Variants in SYT16 observed in about 807,000 individuals in gnomAD.
The protein encoded by SYT16 is synaptotagmin-16.
SYT16 carries 42 observed loss-of-function variants against 61.4 expected under a neutral mutation model. The ratio of observed to expected loss-of-function variants is 0.68; its 90% CI spans 0.53 to 0.89. The LOEUF (loss-of-function observed/expected upper bound fraction) is 0.89, where lower values mean the gene tolerates loss of function less well. Ranked by LOEUF, SYT16 falls within the 40% of genes least tolerant of loss-of-function variation. The pLI, the probability that SYT16 is intolerant of heterozygous loss-of-function variation, is 0.00. For synonymous variants in SYT16, 314 were observed against 302.3 expected (o/e 1.04, Z -0.40); for missense variants, 804 against 807.3 (o/e 1.00, Z 0.05).
rs182729922 is a variant in SYT16 at position 62,053,570 on chromosome 14, C to A, written c.524-16033C>A. Among the ~76,000 whole-genome samples the A allele has an allele frequency of 7.8e-4, 119 of 152,288 alleles. 1 individual carries two copies. The highest frequency in any genetic ancestry group is 8.5e-4 in the Non-Finnish European group (58 of 68,026). On this transcript the variant is annotated intron_variant, in intron 3 of 7. Transcript: ENST00000683842. ...TCTATTTCTCTGCAGAACCCTAATA[C>A]AGTATTGTACTAATTTTTAAATTCC...
At chr14:61,973,466 T>G (rs1595056462) in intron 2 of SYT16, among the ~76,000 whole-genome samples, 1 of 152,318 alleles carries the variant, frequency 6.6e-6, no homozygotes, top group African/African-American at 2.4e-5. Context: ...TGTTCTTGTG[T>G]TGCTCATTGA....
intron 4 of SYT16, among the ~76,000 whole-genome samples, chr14:62,070,661 T>C (rs1372374435): frequency 6.6e-6 from 1 of 152,174 alleles, no homozygotes; most frequent in East Asian, 1.9e-4. Flanking sequence ...TCTATCTGAC[T>C]CCTTCATGCC....
chr14:62,036,815 G>A (rs2054527942), intron 3 of SYT16, among the ~76,000 whole-genome samples: 1 of 152,120 alleles, frequency 6.6e-6, no homozygotes, highest in African/African-American at 2.4e-5. Context: ...TGGGGATTAT[G>A]GGAGCTACAA....
chr14:62,007,511 G>T (rs1210005136), intron 3 of SYT16, among the ~76,000 whole-genome samples: 1 of 152,158 alleles, frequency 6.6e-6, no homozygotes, highest in African/African-American at 2.4e-5. Flanking sequence ...TAATGAACAT[G>T]TTAGCAGCTG....
intron 1 of SYT16, among the ~76,000 whole-genome samples, chr14:61,943,367 C>G (rs924668113): frequency 1.3e-5 from 2 of 152,216 alleles, no homozygotes; most frequent in Non-Finnish European, 2.9e-5. Flanking sequence ...AAGGACTCCT[C>G]TCTAACTCAT....
intron 1 of SYT16, among the ~76,000 whole-genome samples, chr14:61,815,422 C>T (rs2045397957): frequency 6.6e-6 from 1 of 152,150 alleles, no homozygotes; most frequent in South Asian, 2.1e-4. Context: ...CAAAATTTCC[C>T]CTTGAGGGAA....
At chr14:61,904,823 A>G (rs930051267) in intron 1 of SYT16, among the ~76,000 whole-genome samples, 2 of 152,154 alleles carry the variant, frequency 1.3e-5, no homozygotes, top group Admixed American at 6.5e-5. Flanking sequence ...TTTCTTCCCT[A>G]TATCTCATTA....
intron 3 of SYT16, among the ~76,000 whole-genome samples, chr14:62,062,569 A>G (rs1291044061): frequency 6.6e-6 from 1 of 152,152 alleles, no homozygotes. Context: ...GTAATTTATA[A>G]AACTCTTTTC....
chr14:62,048,907 A>G (rs537593018), intron 3 of SYT16, among the ~76,000 whole-genome samples: 22 of 152,258 alleles, frequency 1.4e-4, no homozygotes, highest in Admixed American at 9.2e-4. Context: ...TATGTGGCCA[A>G]TTTTGGAATA....
chr14:61,998,810 T>A (rs774769037), intron 3 of SYT16, among the ~76,000 whole-genome samples: 1 of 151,910 alleles, frequency 6.6e-6, no homozygotes, highest in Non-Finnish European at 1.5e-5. Context: ...CTGTAGATGC[T>A]CTTTATTATG....
intron 3 of SYT16, among the ~76,000 whole-genome samples, chr14:61,998,517 G>C (rs2052862403): frequency 6.6e-6 from 1 of 151,916 alleles, no homozygotes; most frequent in African/African-American, 2.4e-5. Flanking sequence ...GGTGTTGTGT[G>C]TTTCAGTAGT....
At chr14:62,030,899 C>G (rs2054287630) in intron 3 of SYT16, among the ~76,000 whole-genome samples, 1 of 152,164 alleles carries the variant, frequency 6.6e-6, no homozygotes, top group Admixed American at 6.5e-5. Flanking sequence ...CATTTGATTT[C>G]AGGTTGAATA....
At position 61,990,966 on chromosome 14, in the gene SYT16, T is replaced by C. The variant is rs1488150873; in HGVS notation, c.-144-4910T>C. Among the ~76,000 whole-genome samples the C allele has an allele frequency of 3.9e-5, 6 of 152,206 alleles. 1 individual carries two copies. Among genetic ancestry groups the C allele is most frequent in the Admixed American group, 3.9e-4 (6 of 15,274 alleles). On this transcript the variant is annotated intron_variant, in intron 2 of 7. Coordinates refer to ENST00000683842, the MANE Select transcript of SYT16 (RefSeq NM_001367656.1). ...TTTCCTATGTACAAAATGATCTTAA[T>C]TAAAATAGAATTCCAATTAAACCAA...
intron 4 of SYT16, among the ~76,000 whole-genome samples, chr14:62,071,724 T>C (rs1247137927): frequency 6.6e-6 from 1 of 152,230 alleles, no homozygotes; most frequent in East Asian, 1.9e-4. Flanking sequence ...GCCTATTCTC[T>C]ATTTAGCTGT....
intron 3 of SYT16, among the ~76,000 whole-genome samples, chr14:62,054,368 T>C (rs1376769011): frequency 6.6e-6 from 1 of 150,512 alleles, no homozygotes; most frequent in Admixed American, 6.6e-5. Flanking sequence ...GAGTTTTTTT[T>C]TTTTTTTTTG....
At chr14:61,869,727 A>T (rs2047270398) in intron 1 of SYT16, among the ~76,000 whole-genome samples, 1 of 152,166 alleles carries the variant, frequency 6.6e-6, no homozygotes, top group Non-Finnish European at 1.5e-5. Flanking sequence ...TCCCTCATGA[A>T]TGAGATTAGG....
intron 3 of SYT16, among the ~76,000 whole-genome samples, chr14:62,059,777 TACAC>T (rs34498170): frequency 0.2 from 29,518 of 146,752 alleles, 6,793 homozygotes; most frequent in African/African-American, 0.57. Flanking sequence ...TGTATACACA[TACAC>T]ACACACACAC....
chr14:62,014,655 A>G (rs2053593890), intron 3 of SYT16, among the ~76,000 whole-genome samples: 1 of 151,958 alleles, frequency 6.6e-6, no homozygotes, highest in South Asian at 2.1e-4. Flanking sequence ...GCTGGACTCA[A>G]ACTCCTGACC....
At chr14:62,086,320 A>G (rs2056884916) in intron 7 of SYT16, among the ~76,000 whole-genome samples, 1 of 152,062 alleles carries the variant, frequency 6.6e-6, no homozygotes, top group African/African-American at 2.4e-5. Context: ...CTCTACAGAA[A>G]ATAATAAAAA....
Sources: gnomAD v4.1 joint callset for allele counts (sites outside exome capture counted in the v4.1 genomes callset) on GRCh38, gnomAD v4.1.1 for gene constraint, MANE v1.5 for transcripts, NCBI Gene and HGNC (gene_info 2026-07-23, HGNC 2026-07-21) for gene names.